IQSEC3: variants seen among roughly 807,000 people sequenced by gnomAD.
IQSEC3 encodes the protein IQ motif and Sec7 domain ArfGEF 3.
IQSEC3 carries 50 observed loss-of-function variants against 105.4 expected under a neutral mutation model. The observed-to-expected ratio is 0.47, with a 90% CI of 0.38 to 0.60. IQSEC3 has a LOEUF of 0.60. Ranked by LOEUF, IQSEC3 falls within the 20% of genes least tolerant of loss-of-function variation. The pLI, the probability that IQSEC3 is intolerant of heterozygous loss-of-function variation, is 0.00. For missense variants in IQSEC3, 1,415 were observed against 1,630.0 expected (o/e 0.87, Z 2.27); for synonymous variants, 708 against 746.0 (o/e 0.95, Z 0.83).
In IQSEC3 at chr12:157,117, A is replaced by G. The variant is rs1224519762; in HGVS notation, c.2246A>G (p.Gln749Arg). Residue 749 changes from glutamine to arginine, a missense_variant, in exon 6 of 14, where the codon CAG becomes CGG. Coordinates refer to ENST00000538872, the MANE Select transcript of IQSEC3 (RefSeq NM_001170738.2). ...CACATCCGTGTGCAGGGGGAGGCTCAGAAGGTGGAGCGGCTCATTGAGGCC... is the reference window on the plus strand; with the variant it reads ...CACATCCGTGTGCAGGGGGAGGCTCGGAAGGTGGAGCGGCTCATTGAGGCC... ...QAHIRVQGEA[Q>R]KVERLIEAFS... 11 of 1,598,074 alleles carry G rather than the reference A, an allele frequency of 6.9e-6. No individual in the cohort carries two copies. The highest frequency in any genetic ancestry group is 8.5e-7 in the Non-Finnish European group (1 of 1,172,298).
At chr12:122,354 A>C (rs148691972) in intron 2 of IQSEC3, among the ~76,000 whole-genome samples, 1 of 152,320 alleles carries the variant, frequency 6.6e-6, no homozygotes, top group Non-Finnish European at 1.5e-5. Flanking sequence ...GGAGGAGGAC[A>C]CAAATTGCCC....
At chr12:105,853 C>T (rs1433370610) in intron 2 of IQSEC3, among the ~76,000 whole-genome samples, 1 of 152,202 alleles carries the variant, frequency 6.6e-6, no homozygotes, top group Non-Finnish European at 1.5e-5. Context: ...CCTGCCAGGC[C>T]TTGAGCATCC....
intron 2 of IQSEC3, among the ~76,000 whole-genome samples, chr12:122,468 G>C (rs1865251938): frequency 6.6e-6 from 1 of 152,238 alleles, no homozygotes. Flanking sequence ...ATGAACAAAG[G>C]CCCACAACAA....
intron 3 of IQSEC3, among the ~76,000 whole-genome samples, chr12:131,042 C>T (rs904671): frequency 1.8e-5 from 1 of 55,234 alleles, no homozygotes; most frequent in African/African-American, 7.3e-5. Flanking sequence ...CTGGCCCCCG[C>T]TCCTCAGCAC....
intron 2 of IQSEC3, among the ~76,000 whole-genome samples, chr12:104,762 C>A (rs1360008016): frequency 1.3e-5 from 2 of 152,254 alleles, no homozygotes; most frequent in African/African-American, 4.8e-5. Context: ...GGGCGCGCTT[C>A]CGAGAACGGC....
intron 2 of IQSEC3, among the ~76,000 whole-genome samples, chr12:109,461 G>A (rs1158897082): frequency 2.0e-5 from 3 of 152,146 alleles, no homozygotes; most frequent in Admixed American, 6.5e-5. Context: ...CAGTGAAACA[G>A]CAGCAAACCT....
chr12:127,096 G>A (rs778422073), intron 3 of IQSEC3, among the ~76,000 whole-genome samples: 2 of 152,192 alleles, frequency 1.3e-5, no homozygotes, highest in Non-Finnish European at 2.9e-5. Flanking sequence ...GGAGTTGAGT[G>A]GACATGCTGT....
rs535763940 is a variant in IQSEC3 at position 85,435 on chromosome 12, C to G, written c.555-13711C>G. Among the ~76,000 whole-genome samples, 16 of 152,370 alleles carry G rather than the reference C, an allele frequency of 1.1e-4. 1 individual carries two copies. The highest frequency in any genetic ancestry group is 3.4e-3 in the Middle Eastern group (1 of 294). On this transcript the variant is annotated intron_variant, in intron 1 of 13. Transcript: ENST00000538872. ...CTGCAATTCATGCTGTGCTGCCACG[C>G]CTGGCACTGGGAGCCCTCTTGGCTC...
At position 141,288 on chromosome 12, in the gene IQSEC3, G is replaced by A. The variant is rs1555089170; in HGVS notation, c.2153+3G>A. 6.2e-7 allele frequency: 1 copy of A among 1,611,628 alleles called. No homozygotes were observed. The highest frequency in any genetic ancestry group is 1.3e-5 in the African/African-American group (1 of 74,870). The stretch of plus-strand genomic sequence containing the variant: ...CAGTTCAACCGCGACGTGCTGGAGT[G>A]AGTACCCCACACTCCGGGCTTTCCC... On this transcript the variant is annotated splice_donor_region_variant and intron_variant, in intron 5 of 13. Transcript: ENST00000538872.
intron 13 of IQSEC3, 77 bp from the exon 14 acceptor site, chr12:174,522 G>A: frequency 3.0e-6 from 4 of 1,318,528 alleles, no homozygotes; most frequent in Non-Finnish European, 2.0e-6. Context: ...GGCCAGGGGA[G>A]GCACAGGGCA....
At chr12:90,044 T>C (rs1864032875) in intron 1 of IQSEC3, among the ~76,000 whole-genome samples, 1 of 152,284 alleles carries the variant, frequency 6.6e-6, no homozygotes, top group Admixed American at 6.5e-5. Flanking sequence ...CAGAGGTGTA[T>C]GAGAGTTCCA....
intron 3 of IQSEC3, among the ~76,000 whole-genome samples, chr12:135,027 G>A (rs12312353): frequency 1.3e-3 from 193 of 152,366 alleles, no homozygotes; most frequent in African/African-American, 3.8e-3. Context: ...CTACTCAGGA[G>A]GCTGAGGCAG....
At chr12:100,023 T>G (rs1864372134) in intron 2 of IQSEC3, among the ~76,000 whole-genome samples, 1 of 151,832 alleles carries the variant, frequency 6.6e-6, no homozygotes, top group South Asian at 2.1e-4. Context: ...CACGTTTCTC[T>G]TTTCTTGACT....
At chr12:156,528 G>C (rs1199289908) in intron 5 of IQSEC3, among the ~76,000 whole-genome samples, 9 of 151,756 alleles carry the variant, frequency 5.9e-5, no homozygotes, top group African/African-American at 2.2e-4. Flanking sequence ...GAAAGCCCCA[G>C]GGGCTTGAGG....
intron 5 of IQSEC3, chr12:148,440 G>A (rs2137023378): frequency 6.6e-6 from 1 of 152,304 alleles, no homozygotes. Context: ...CTTCTAAATT[G>A]TAAGGGTAGT....
rs781785397 is a variant in IQSEC3 at position 163,502 on chromosome 12, C to G, written c.2592C>G (p.Ser864=). ...GCCCTGCCCGCGTGCAGGTGCTGTC[C>G]GTGCCCCACCGCCGCCTGGTGTGCT... The part of the protein sequence containing the change: ...KSIVGMKTVL[S]VPHRRLVCCS... The change falls in exon 9 of 14, where the codon TCC becomes TCG. Residue 864 remains serine (S), a synonymous_variant. Coordinates refer to ENST00000538872, the MANE Select transcript of IQSEC3 (RefSeq NM_001170738.2). The G allele has an allele frequency of 1.2e-6, 2 of 1,608,226 alleles. No homozygotes were observed. The highest frequency in any genetic ancestry group is 2.2e-5 in the East Asian group (1 of 44,682).
chr12:161,526 G>A (rs1866888135), intron 7 of IQSEC3, among the ~76,000 whole-genome samples: 1 of 152,160 alleles, frequency 6.6e-6, no homozygotes, highest in Non-Finnish European at 1.5e-5. Context: ...CGAAACAGAA[G>A]CTCCTTATGA....
intron 1 of IQSEC3, among the ~76,000 whole-genome samples, chr12:90,810 C>T (rs1864059417): frequency 6.6e-6 from 1 of 152,196 alleles, no homozygotes; most frequent in Non-Finnish European, 1.5e-5. Flanking sequence ...TCCTCCTCCT[C>T]ACCCCAGGAA....
chr12:83,136 G>A (rs1426148724), intron 1 of IQSEC3, among the ~76,000 whole-genome samples: 8 of 152,212 alleles, frequency 5.3e-5, no homozygotes, highest in African/African-American at 1.9e-4. Flanking sequence ...GTGATGAGCT[G>A]GGCTGTACAG....
Sources: gnomAD v4.1 joint callset for allele counts (sites outside exome capture counted in the v4.1 genomes callset) on GRCh38, gnomAD v4.1.1 for gene constraint, MANE v1.5 for transcripts, NCBI Gene and HGNC (gene_info 2026-07-23, HGNC 2026-07-21) for gene names.